MYT1L: variants seen among roughly 807,000 people sequenced by gnomAD.
MYT1L encodes myelin transcription factor 1 like, also known as myelin transcription factor 1-like protein.
Under a neutral mutation model 126.7 loss-of-function variants are expected in MYT1L, and 12 were observed. The ratio of observed to expected loss-of-function variants is 0.09; its 90% CI spans 0.06 to 0.15. The LOEUF (loss-of-function observed/expected upper bound fraction) is 0.15. Among genes scored for constraint, MYT1L ranks in the 10% least tolerant of loss-of-function variants. MYT1L has a pLI of 1.00. For synonymous variants in MYT1L, 541 were observed against 604.2 expected (o/e 0.90, Z 1.53); for missense variants, 979 against 1,585.2 (o/e 0.62, Z 6.49).
intron 1 of MYT1L, among the ~76,000 whole-genome samples, chr2:2,314,709 C>T (rs1473881242): frequency 6.6e-6 from 1 of 151,986 alleles, no homozygotes; most frequent in Non-Finnish European, 1.5e-5. Context: ...CAATGTTCTC[C>T]CTCCCTCAAG....
intron 3 of MYT1L, among the ~76,000 whole-genome samples, chr2:2,130,719 G>A (rs2082258764): frequency 6.6e-6 from 1 of 152,318 alleles, no homozygotes. Context: ...TCGCAGGAAG[G>A]AAATGCTTTG....
chr2:2,197,344 T>C (rs1429372983), intron 2 of MYT1L, among the ~76,000 whole-genome samples: 1 of 152,118 alleles, frequency 6.6e-6, no homozygotes, highest in African/African-American at 2.4e-5. Flanking sequence ...TTTATGTACA[T>C]ATGCAGAAGT....
intron 3 of MYT1L, among the ~76,000 whole-genome samples, chr2:2,105,389 C>T (rs981798132): frequency 6.6e-6 from 1 of 152,140 alleles, no homozygotes; most frequent in Non-Finnish European, 1.5e-5. Flanking sequence ...AATACATAAG[C>T]CCCAGACTGT....
At chr2:1,868,029 T>TGCAGTG (rs550191597) in intron 18 of MYT1L, among the ~76,000 whole-genome samples, 5,368 of 152,126 alleles carry the variant, frequency 0.035, 146 homozygotes, top group Non-Finnish European at 0.055. Flanking sequence ...TGCAGTGGCG[T>TGCAGTG]GATCTTGGCT....
At chr2:1,818,728 C>A (rs1335742957) in intron 21 of MYT1L, among the ~76,000 whole-genome samples, 1 of 152,174 alleles carries the variant, frequency 6.6e-6, no homozygotes, top group African/African-American at 2.4e-5. Flanking sequence ...AGCCACGTGA[C>A]ATTTCTGCCT....
chr2:2,137,319 C>T (rs2083208151), intron 3 of MYT1L, among the ~76,000 whole-genome samples: 1 of 152,136 alleles, frequency 6.6e-6, no homozygotes, highest in Admixed American at 6.5e-5. Context: ...TGACTTTCTT[C>T]ACAGAATTGG....
chr2:1,930,171 G>T (rs1049540285), intron 9 of MYT1L, among the ~76,000 whole-genome samples: 3 of 152,174 alleles, frequency 2.0e-5, no homozygotes, highest in Non-Finnish European at 4.4e-5. Context: ...GGGATGGAAC[G>T]GAGGGACTGA....
At chr2:2,315,095 C>A (rs914292107) in intron 1 of MYT1L, among the ~76,000 whole-genome samples, 1 of 152,158 alleles carries the variant, frequency 6.6e-6, no homozygotes, top group Non-Finnish European at 1.5e-5. Context: ...TTCAGAGACT[C>A]ACATGGGGAA....
At chr2:1,796,691 AGCCG>A in intron 23 of MYT1L, among the ~76,000 whole-genome samples, 1 of 151,470 alleles carries the variant, frequency 6.6e-6, no homozygotes, top group South Asian at 2.1e-4. Context: ...CCAGCCTCCC[AGCCG>A]GCTCCGAGCC....
At chr2:1,792,844 TG>T (rs1262086915) in intron 23 of MYT1L, among the ~76,000 whole-genome samples, 3 of 115,528 alleles carry the variant, frequency 2.6e-5, no homozygotes, top group Non-Finnish European at 4.9e-5. Flanking sequence ...CACTCCAGCC[TG>T]GGTGACAGAC....
In MYT1L at chr2:1,979,631, G is replaced by T. The variant is rs1390823108; in HGVS notation, c.56-77C>A. On this transcript the variant is annotated intron_variant, in intron 6 of 24. Coordinates refer to ENST00000647738, the MANE Select transcript of MYT1L (RefSeq NM_001303052.2). The surrounding 1 kb of genome is among the most constrained non-coding windows in gnomAD (Gnocchi z 4.0). ...TCTTCCACAGAAAATTACCAAAAGG[G>T]TGGCATGAAAGTGGGGTCAGAATCG... 6.2e-7 allele frequency: 1 copy of T among 1,601,838 alleles called. No individual in the cohort carries two copies. The highest frequency in any genetic ancestry group is 8.6e-7 in the Non-Finnish European group (1 of 1,169,048).
At chr2:2,310,311 A>G (rs749573271) in intron 1 of MYT1L, among the ~76,000 whole-genome samples, 1 of 151,860 alleles carries the variant, frequency 6.6e-6, no homozygotes, top group Non-Finnish European at 1.5e-5. Context: ...TTCTTTATCT[A>G]TACTCCACTT....
chr2:1,981,627 G>C (rs1437521144), intron 5 of MYT1L, among the ~76,000 whole-genome samples: 1 of 152,244 alleles, frequency 6.6e-6, no homozygotes, highest in Non-Finnish European at 1.5e-5. Flanking sequence ...AGTGTTGGAA[G>C]GGATGTACCG....
intron 3 of MYT1L, among the ~76,000 whole-genome samples, chr2:2,110,483 C>T (rs1009125040): frequency 2.6e-5 from 4 of 152,030 alleles, no homozygotes; most frequent in Admixed American, 1.3e-4. Context: ...AGCCAGGGGT[C>T]GCTTTTCTGC....
At chr2:2,212,620 T>C (rs1298098324) in intron 2 of MYT1L, among the ~76,000 whole-genome samples, 1 of 152,202 alleles carries the variant, frequency 6.6e-6, no homozygotes, top group Non-Finnish European at 1.5e-5. Context: ...AGTAATATTG[T>C]TTCATGACTA....
At chr2:2,204,933 T>C (rs1311830396) in intron 2 of MYT1L, among the ~76,000 whole-genome samples, 3 of 151,652 alleles carry the variant, frequency 2.0e-5, no homozygotes, top group South Asian at 2.1e-4. Context: ...TATGCAGCCA[T>C]AAAAAATGAT....
chr2:1,934,992 C>G (rs1573731357), intron 9 of MYT1L, among the ~76,000 whole-genome samples: 1 of 152,182 alleles, frequency 6.6e-6, no homozygotes, highest in Admixed American at 6.5e-5. Context: ...GGTTCCTTCT[C>G]TTTGTCTCTA....
chr2:1,851,351 T>C (rs1032449980), intron 19 of MYT1L, among the ~76,000 whole-genome samples: 4 of 152,142 alleles, frequency 2.6e-5, no homozygotes, highest in Non-Finnish European at 5.9e-5. Context: ...GCCTTTACTC[T>C]TCCAATTTAG....
At chr2:2,071,581 C>T (rs1445048509) in intron 3 of MYT1L, among the ~76,000 whole-genome samples, 2 of 152,034 alleles carry the variant, frequency 1.3e-5, no homozygotes, top group Non-Finnish European at 2.9e-5. Flanking sequence ...TGAGAGGAAT[C>T]TCATAAAAAT....
Sources: gnomAD v4.1 joint callset for allele counts (sites outside exome capture counted in the v4.1 genomes callset) on GRCh38, gnomAD v4.1.1 for gene constraint, Gnocchi (gnomAD v3.1) non-coding constraint, MANE v1.5 for transcripts, NCBI Gene and HGNC (gene_info 2026-07-23, HGNC 2026-07-21) for gene names.